HNRNPL: variants seen among roughly 807,000 people sequenced by gnomAD.
HNRNPL encodes the protein heterogeneous nuclear ribonucleoprotein L.
A neutral mutation model predicts 64.0 loss-of-function variants in HNRNPL; 12 were observed. The ratio of observed to expected loss-of-function variants is 0.19; its 90% confidence interval spans 0.12 to 0.30. The LOEUF (loss-of-function observed/expected upper bound fraction) is 0.30. Ranked by LOEUF, HNRNPL falls within the 10% of genes least tolerant of loss-of-function variation. The pLI is 1.00. For synonymous variants in HNRNPL, 385 were observed against 313.0 expected, an observed-to-expected ratio of 1.23 and a Z score of -2.43; for missense variants, 484 against 797.4, an observed-to-expected ratio of 0.61 and a Z score of 4.73.
intron 1 of HNRNPL, among the ~76,000 whole-genome samples, chr19:38,848,501 G>A (rs1015656979): frequency 1.3e-5 from 2 of 152,250 alleles, no homozygotes; most frequent in South Asian, 2.1e-4. Context: ...CTGGTCATCA[G>A]GAGAAAGATT....
chr19:38,850,265 G>A (rs946823797), upstream of HNRNPL: 1 of 337,152 alleles, frequency 3.0e-6, no homozygotes, highest in Non-Finnish European at 5.4e-6. Flanking sequence ...CTCCCTAAAA[G>A]CACCTGATAG....
chr19:38,846,248 C>A (rs1236792430), intron 2 of HNRNPL, among the ~76,000 whole-genome samples, 158 bp from the exon 3 acceptor site: 1 of 152,118 alleles, frequency 6.6e-6, no homozygotes, highest in African/African-American at 2.4e-5. Context: ...ACAAGTAGTA[C>A]CAAAAGCCAA....
intron 8 of HNRNPL, chr19:38,839,797 G>T (rs1281944779): frequency 2.2e-5 from 7 of 318,608 alleles, no homozygotes; most frequent in African/African-American, 1.6e-4. Flanking sequence ...TTAAACGATG[G>T]TGTTTCACTA....
chr19:38,838,245 T>C, intron 10 of HNRNPL, 152 bp downstream of exon 10: 2 of 601,772 alleles, frequency 3.3e-6, no homozygotes, highest in Non-Finnish European at 2.9e-6. Context: ...CAGATTCCTA[T>C]CTGTCCTGGC....
Position 38,838,463 on chromosome 19 carries a change from C to T in HNRNPL, c.1491G>A (p.Gln497=). 3.7e-6 allele frequency: 6 copies of T among 1,614,136 alleles called. No individual in the cohort carries two copies. The highest frequency in any genetic ancestry group is 5.1e-6 in the Non-Finnish European group (6 of 1,179,978). ...TPEQAAKNRI[Q]HPSNVLHFFN... is the part of the protein sequence containing the mutation. The stretch of plus-strand genomic sequence containing the variant: ...AGAAGTGCAGCACGTTGCTGGGGTG[C>T]TGGATGCGGTTCTTGGCTGCCTGCT... Residue 497 remains glutamine (Q), a synonymous_variant, in exon 10 of 13, where the codon CAG becomes CAA. Coordinates refer to ENST00000221419, the MANE Select transcript of HNRNPL (RefSeq NM_001533.3).
At chr19:38,837,223 C>A in intron 12 of HNRNPL, 161 bp downstream of exon 12, 1 of 632,030 alleles carries the variant, frequency 1.6e-6, no homozygotes, top group Non-Finnish European at 2.8e-6. Context: ...CCAAGAGGAG[C>A]ACAGGCTGCT....
intron 4 of HNRNPL, chr19:38,844,712 C>CT (rs11450081): frequency 0.43 from 58,147 of 135,434 alleles, 14,200 homozygotes; most frequent in Non-Finnish European, 0.56. Flanking sequence ...CATGCCCCAC[C>CT]TTTTTTTTTT....
upstream of HNRNPL, chr19:38,850,075 G>C (rs1226817513): frequency 1.1e-6 from 1 of 871,440 alleles, no homozygotes; most frequent in Admixed American, 4.1e-5. Context: ...CGGGGGGAGG[G>C]TAGGCCGCCA....
chr19:38,847,229 C>G (rs1972329903), intron 2 of HNRNPL, 87 bp downstream of exon 2: 1 of 614,152 alleles, frequency 1.6e-6, no homozygotes, highest in African/African-American at 1.9e-5. Context: ...GCAACAAAAT[C>G]ACTATTTCCA....
At chr19:38,850,942 C>G (rs1025745634), upstream of HNRNPL, 1 of 152,264 alleles carries the variant, frequency 6.6e-6, no homozygotes, top group Non-Finnish European at 1.5e-5. Context: ...TGCAATAGTC[C>G]ACTACCCCTC....
At chr19:38,844,171 T>G (rs2278011) in intron 4 of HNRNPL, 67 bp from the exon 5 acceptor site, 1 of 1,024,482 alleles carries the variant, frequency 9.8e-7, no homozygotes, top group Non-Finnish European at 1.5e-6. Context: ...TACCCCAGAG[T>G]GTGATAAGGA....
intron 2 of HNRNPL, 78 bp from the exon 3 acceptor site, chr19:38,846,168 C>T: frequency 9.3e-7 from 1 of 1,076,820 alleles, no homozygotes; most frequent in Non-Finnish European, 1.4e-6. Context: ...TTTTTGAGAA[C>T]TGACTCCTCC....
At chr19:38,850,591 C>G (rs1010491595), upstream of HNRNPL, among the ~76,000 whole-genome samples, 1 of 152,184 alleles carries the variant, frequency 6.6e-6, no homozygotes, top group Admixed American at 6.5e-5. Flanking sequence ...ACGAAACGAG[C>G]GAAGGCGAGA....
At chr19:38,849,135 G>C (rs1243229048) in intron 1 of HNRNPL, among the ~76,000 whole-genome samples, 1 of 152,236 alleles carries the variant, frequency 6.6e-6, no homozygotes, top group East Asian at 1.9e-4. Flanking sequence ...AAGGCTAAAA[G>C]TGCATTTCAC....
chr19:38,844,986 G>C (rs1972242421), intron 4 of HNRNPL: 1 of 152,190 alleles, frequency 6.6e-6, no homozygotes, highest in South Asian at 2.1e-4. Flanking sequence ...GGGATTGCAG[G>C]CATGAGCCAC....
Position 38,849,872 on chromosome 19 carries a change from A to T in HNRNPL, c.95T>A (p.Met32Lys). Residue 32 changes from methionine to lysine, a missense_variant, in exon 1 of 13, where the codon ATG (methionine) becomes AAG (lysine). Coordinates refer to ENST00000221419, the MANE Select transcript of HNRNPL (RefSeq NM_001533.3). Reference protein sequence around the residue: ...PDEQRRRSGAMVKMAAAGGGG... With the variant: ...PDEQRRRSGAKVKMAAAGGGG... The stretch of plus-strand genomic sequence containing the variant: ...GCCGCCCGCCGCCGCCATCTTCACC[A>T]TCGCTCCCGACCGCCTCCGCTGCTC... 8.2e-7 allele frequency: 1 copy of T among 1,216,338 alleles called. No homozygotes were observed. The highest frequency in any genetic ancestry group is 2.7e-5 in the East Asian group (1 of 37,310). The allele number at this position is 1,216,338 out of a possible 1,614,324, so 75.3% of individuals were successfully genotyped here. A position where few individuals can be genotyped will look rare whatever the true frequency, so the allele number is the denominator to read the frequency against.
intron 6 of HNRNPL, chr19:38,841,616 T>C (rs1236130069): frequency 2.4e-6 from 3 of 1,263,064 alleles, no homozygotes; most frequent in South Asian, 2.5e-5. Flanking sequence ...CTCTTACCAT[T>C]GGACGCTTCA....
rs775353030 is a variant in HNRNPL at position 38,838,601 on chromosome 19, G to A, written c.1356-3C>T. Reference sequence around the variant, plus strand: ...TGATGGCTGGCTGCTTGGAGACACTGCAGCAAGGAAGAAAGGGGAGCCTTT... The same window carrying A: ...TGATGGCTGGCTGCTTGGAGACACTACAGCAAGGAAGAAAGGGGAGCCTTT... On this transcript the variant is annotated splice_region_variant and splice_polypyrimidine_tract_variant and intron_variant, in intron 9 of 12. Transcript: ENST00000221419. 1 of 1,613,222 alleles carries A rather than the reference G, an allele frequency of 6.2e-7. No individual in the cohort carries two copies. The highest frequency in any genetic ancestry group is 8.5e-7 in the Non-Finnish European group (1 of 1,179,344).
intron 1 of HNRNPL, chr19:38,849,430 A>C: frequency 2.0e-5 from 7 of 350,478 alleles, no homozygotes; most frequent in Non-Finnish European, 2.5e-5. Context: ...CCCACACGCC[A>C]GCCCGCGGCG....
Sources: allele counts gnomAD v4.1 joint callset (sites outside exome capture counted in the v4.1 genomes callset), GRCh38; gene constraint gnomAD v4.1.1; transcripts MANE v1.5; gene names NCBI Gene and HGNC (gene_info 2026-07-23, HGNC 2026-07-21).